PLPPR1: variants seen among roughly 807,000 people sequenced by gnomAD.
PLPPR1 encodes phospholipid phosphatase-related protein type 1.
Under a neutral mutation model 33.1 loss-of-function variants are expected in PLPPR1, and 10 were observed. That is an observed-to-expected ratio of 0.30 (90% confidence interval 0.19 to 0.51). PLPPR1 has a LOEUF of 0.51. PLPPR1 is among the 20% of genes least tolerant of loss of function. The pLI is 0.97. For synonymous variants in PLPPR1, 151 were observed against 151.0 expected (o/e 1.00, Z 0.00); for missense variants, 304 against 408.1 (o/e 0.74, Z 2.20).
chr9:101,289,366 A>C (rs1828452157), intron 4 of PLPPR1, among the ~76,000 whole-genome samples: 1 of 152,214 alleles, frequency 6.6e-6, no homozygotes, highest in African/African-American at 2.4e-5. Flanking sequence ...CTATTAATTT[A>C]TGATCGCTTG....
intron 1 of PLPPR1, among the ~76,000 whole-genome samples, chr9:101,117,947 C>G (rs1437440713): frequency 6.6e-6 from 1 of 152,224 alleles, no homozygotes; most frequent in Non-Finnish European, 1.5e-5. Context: ...GGGGTTAACC[C>G]TGTCCAAGGG....
chr9:101,053,470 A>T (rs1039251700), intron 1 of PLPPR1, among the ~76,000 whole-genome samples: 3 of 152,102 alleles, frequency 2.0e-5, no homozygotes, highest in African/African-American at 7.2e-5. Flanking sequence ...AAAATAAACA[A>T]TTTCAATTTC....
chr9:101,141,806 C>T (rs16919954), intron 1 of PLPPR1, among the ~76,000 whole-genome samples: 2,477 of 152,230 alleles, frequency 0.016, 64 homozygotes, highest in African/African-American at 0.057. Flanking sequence ...TCACTGACAC[C>T]TTCTATTCCC....
chr9:101,304,578 A>G (rs1828812867), intron 4 of PLPPR1, among the ~76,000 whole-genome samples: 1 of 152,222 alleles, frequency 6.6e-6, no homozygotes, highest in Non-Finnish European at 1.5e-5. Context: ...TACTAGTCTA[A>G]AATAGGAGAT....
intron 1 of PLPPR1, among the ~76,000 whole-genome samples, chr9:101,183,841 T>A (rs1216178121): frequency 1.3e-5 from 2 of 151,772 alleles, no homozygotes; most frequent in Non-Finnish European, 3.0e-5. Flanking sequence ...TATTCTTTAT[T>A]AATTACATGG....
At chr9:101,309,511 G>A (rs752989478) in intron 5 of PLPPR1, 50 bp downstream of exon 5, 1 of 1,586,676 alleles carries the variant, frequency 6.3e-7, no homozygotes. Context: ...GATAGGATGT[G>A]TGTCTCCCTG....
chr9:101,268,774 C>G (rs900601140), intron 2 of PLPPR1, among the ~76,000 whole-genome samples: 1 of 152,156 alleles, frequency 6.6e-6, no homozygotes, highest in African/African-American at 2.4e-5. Context: ...GATGTCCTAC[C>G]AAGTTCTGAT....
chr9:101,145,785 C>G (rs1274207475), intron 1 of PLPPR1, among the ~76,000 whole-genome samples: 3 of 144,968 alleles, frequency 2.1e-5, no homozygotes, highest in African/African-American at 5.2e-5. Context: ...TTTGGGAGGT[C>G]AAGACAGAAG....
At chr9:101,164,575 C>T (rs943264671) in intron 1 of PLPPR1, among the ~76,000 whole-genome samples, 3 of 151,948 alleles carry the variant, frequency 2.0e-5, no homozygotes, top group Non-Finnish European at 4.4e-5. Context: ...GCCATGTTGG[C>T]TAGACTGGTC....
chr9:101,295,971 G>T (rs1328836689), intron 4 of PLPPR1, among the ~76,000 whole-genome samples: 4 of 149,986 alleles, frequency 2.7e-5, no homozygotes, highest in Admixed American at 2.6e-4. Flanking sequence ...TTAAACTAAA[G>T]AGCTTCTGCA....
Position 101,322,198 on chromosome 9 carries a change from C to CAAA in PLPPR1, c.946-1799_946-1797dup, listed in dbSNP as rs57344415. On this transcript the variant is annotated intron_variant, in intron 7 of 7. Transcript: ENST00000374874. ...GGGGGACAACAGCAAGACTTCATCTCAAAAAAAAAAAAAAAAAAAAAAAAA... is the reference window on the plus strand; with the variant it reads ...GGGGGACAACAGCAAGACTTCATCTCAAAAAAAAAAAAAAAAAAAAAAAAAAAA... 5.1e-4 allele frequency among the ~76,000 whole-genome samples: 14 copies of CAAA among 27,682 alleles called. 1 individual carries two copies. Among genetic ancestry groups the CAAA allele is most frequent in the Non-Finnish European group, 5.4e-4 (8 of 14,908 alleles). 18.2% of individuals were successfully genotyped at this position (27,682 alleles called of 152,430 possible).
At chr9:101,138,583 T>C (rs1019886037) in intron 1 of PLPPR1, among the ~76,000 whole-genome samples, 2 of 152,314 alleles carry the variant, frequency 1.3e-5, no homozygotes, top group Admixed American at 1.3e-4. Context: ...CTAAATCTTA[T>C]GCTCTTAGCT....
intron 1 of PLPPR1, among the ~76,000 whole-genome samples, chr9:101,166,466 C>T (rs1426876655): frequency 6.6e-6 from 1 of 152,092 alleles, no homozygotes; most frequent in Non-Finnish European, 1.5e-5. Flanking sequence ...CTTAGTAATA[C>T]ATTCAGACAT....
chr9:101,094,920 G>T (rs1336670932), intron 1 of PLPPR1, among the ~76,000 whole-genome samples: 1 of 152,108 alleles, frequency 6.6e-6, no homozygotes, highest in Non-Finnish European at 1.5e-5. Context: ...CTGATATTAG[G>T]CAGGAAGTTT....
chr9:101,170,770 T>C (rs1825931345), intron 1 of PLPPR1, among the ~76,000 whole-genome samples: 1 of 152,090 alleles, frequency 6.6e-6, no homozygotes, highest in Admixed American at 6.6e-5. Context: ...ACTCTATCTT[T>C]ACAAAAACAT....
chr9:101,156,574 G>GAAAAA lies in PLPPR1; in HGVS notation c.-45-28873_-45-28872insAAAAA, dbSNP rs1564160850. Among the ~76,000 whole-genome samples, 190 of 96,516 alleles carry GAAAAA rather than the reference G, an allele frequency of 2.0e-3. 2 individuals carry two copies. Among genetic ancestry groups the GAAAAA allele is most frequent in the Admixed American group, 3.2e-3 (25 of 7,870 alleles). 63.3% of individuals were successfully genotyped at this position (96,516 alleles called of 152,430 possible). A position where few individuals can be genotyped will look rare whatever the true frequency, so the allele number is the denominator to read the frequency against. On this transcript the variant is annotated intron_variant, in intron 1 of 7. Coordinates refer to ENST00000374874, the MANE Select transcript of PLPPR1 (RefSeq NM_207299.2). ...CTCCAAAAAAAAAAAAAAAAAAAAA[G>GAAAAA]AAAGAAAGAAAGAAAAAAAAGAAAT...
intron 2 of PLPPR1, among the ~76,000 whole-genome samples, chr9:101,222,961 G>C (rs1196171431): frequency 6.6e-6 from 1 of 151,796 alleles, no homozygotes; most frequent in Non-Finnish European, 1.5e-5. Context: ...CAGTGAAAGA[G>C]GCTACAGACT....
At chr9:101,163,925 G>A (rs752924202) in intron 1 of PLPPR1, among the ~76,000 whole-genome samples, 8 of 152,092 alleles carry the variant, frequency 5.3e-5, no homozygotes, top group East Asian at 1.9e-4. Flanking sequence ...CCTAAATATC[G>A]TCATTGAATG....
chr9:101,206,204 A>C (rs574621722), intron 2 of PLPPR1, among the ~76,000 whole-genome samples: 4 of 152,190 alleles, frequency 2.6e-5, no homozygotes, highest in Non-Finnish European at 2.9e-5. Flanking sequence ...TAAACTTAGG[A>C]CTTTGTAAAT....
Sources: allele counts gnomAD v4.1 joint callset (sites outside exome capture counted in the v4.1 genomes callset), GRCh38; gene constraint gnomAD v4.1.1; transcripts MANE v1.5; gene names NCBI Gene and HGNC (gene_info 2026-07-23, HGNC 2026-07-21).